HECW2: variants seen among roughly 807,000 people sequenced by gnomAD.
The protein encoded by HECW2 is E3 ubiquitin-protein ligase HECW2.
Under a neutral mutation model 175.2 loss-of-function variants are expected in HECW2, and 61 were observed. The ratio of observed to expected loss-of-function variants is 0.35; its 90% CI spans 0.28 to 0.43. The LOEUF is 0.43. Among genes scored for constraint, HECW2 ranks in the 20% least tolerant of loss-of-function variants. The pLI is 1.00. For missense variants in HECW2, 1,524 were observed against 2,000.5 expected (o/e 0.76, Z 4.54); for synonymous variants, 671 against 731.0 (o/e 0.92, Z 1.32).
intron 26 of HECW2, among the ~76,000 whole-genome samples, chr2:196,218,836 A>G (rs1687569092): frequency 2.0e-5 from 3 of 152,252 alleles, no homozygotes. Flanking sequence ...CCAAAGAGAT[A>G]CATGGATTAT....
chr2:196,301,786 C>T (rs1691069931), intron 13 of HECW2, among the ~76,000 whole-genome samples: 1 of 149,906 alleles, frequency 6.7e-6, no homozygotes, highest in African/African-American at 2.5e-5. Context: ...GACATTAGAC[C>T]TTTGTCACAT....
chr2:196,342,965 A>ATATT (rs1692812592), intron 3 of HECW2, among the ~76,000 whole-genome samples: 1 of 928 alleles, frequency 1.1e-3, no homozygotes, highest in Non-Finnish European at 8.2e-3. Context: ...TATATACCAT[A>ATATT]CATTATGTAT....
At chr2:196,550,369 G>C (rs915891236) in intron 1 of HECW2, among the ~76,000 whole-genome samples, 12 of 151,958 alleles carry the variant, frequency 7.9e-5, no homozygotes, top group Non-Finnish European at 8.8e-5. Context: ...TCACAGTTGG[G>C]AAGTTGTTTT....
intron 14 of HECW2, among the ~76,000 whole-genome samples, chr2:196,287,554 C>CT (rs947696161): frequency 2.6e-5 from 4 of 151,946 alleles, no homozygotes; most frequent in South Asian, 2.1e-4. Flanking sequence ...AAAAAAGAGA[C>CT]TTTTTTTTCT....
At chr2:196,395,715 T>TAAA (rs1553512651) in intron 2 of HECW2, among the ~76,000 whole-genome samples, 7 of 150,058 alleles carry the variant, frequency 4.7e-5, no homozygotes, top group African/African-American at 1.7e-4. Flanking sequence ...TTTTTTTTTT[T>TAAA]AAAAAAAGAA....
chr2:196,404,991 A>ATTT (rs35158305), intron 2 of HECW2, among the ~76,000 whole-genome samples: 2 of 141,568 alleles, frequency 1.4e-5, no homozygotes, highest in Non-Finnish European at 3.1e-5. Context: ...CTCCCGGCAA[A>ATTT]TTTTTTTTTT....
intron 2 of HECW2, among the ~76,000 whole-genome samples, chr2:196,388,756 A>G (rs1258371854): frequency 6.6e-6 from 1 of 152,216 alleles, no homozygotes; most frequent in Non-Finnish European, 1.5e-5. Flanking sequence ...AAACAAGATA[A>G]GAGGCAAATT....
intron 5 of HECW2, among the ~76,000 whole-genome samples, chr2:196,327,952 A>G (rs530859256): frequency 6.6e-5 from 10 of 152,328 alleles, no homozygotes; most frequent in East Asian, 3.9e-4. Context: ...GTCAAAACCA[A>G]TAAGTGTGTG....
rs911577749 is a variant in HECW2, at chr2:196,536,278, A to T, written c.-36+57230T>A. 1.9e-4 allele frequency among the ~76,000 whole-genome samples: 29 copies of T among 152,286 alleles called. No homozygotes were observed. The South Asian group carries it at 5.6e-3, about 29-fold the overall frequency. ...ACCCTCTGGCTTTAAAGAACTTCTG[A>T]GTTCATTAGTTTTCTTGGTACACCT... On this transcript the variant is annotated intron_variant, in intron 1 of 28. Coordinates refer to ENST00000644978, the MANE Select transcript of HECW2 (RefSeq NM_001348768.2).
chr2:196,358,496 A>C (rs1291632606), intron 2 of HECW2, among the ~76,000 whole-genome samples: 1 of 134,644 alleles, frequency 7.4e-6, no homozygotes, highest in Non-Finnish European at 1.5e-5. Flanking sequence ...AATTGCTTGA[A>C]TCTCCCTTGA....
In HECW2 at chr2:196,292,497, G is replaced by A. The variant is rs1171292175; in HGVS notation, c.3000+68C>T. On this transcript the variant is annotated intron_variant, in intron 14 of 28. Transcript: ENST00000644978. Reference sequence around the variant, plus strand: ...CCTTGGCCCTCACTTGAAGGGTAGGGCCAAGTGTCGAAGCCACAAGCAGCC... The same window carrying A: ...CCTTGGCCCTCACTTGAAGGGTAGGACCAAGTGTCGAAGCCACAAGCAGCC... 3 of 1,374,956 alleles carry A rather than the reference G, an allele frequency of 2.2e-6. No individual in the cohort carries two copies. The African/African-American group carries it at 4.3e-5, about 20-fold the overall frequency. 85.2% of individuals were successfully genotyped at this position (1,374,956 alleles called of 1,614,324 possible). A position where few individuals can be genotyped will look rare whatever the true frequency, so the allele number is the denominator to read the frequency against.
intron 26 of HECW2, chr2:196,218,292 A>T (rs527578434): frequency 1.5e-4 from 23 of 152,352 alleles, no homozygotes; most frequent in African/African-American, 5.5e-4. Context: ...GGGTGTGAAC[A>T]TATGGCAGGT....
At chr2:196,278,777 T>C (rs752181824) in intron 14 of HECW2, 115 bp from the exon 15 acceptor site, 22 of 1,184,488 alleles carry the variant, frequency 1.9e-5, no homozygotes, top group Non-Finnish European at 2.5e-5. Flanking sequence ...CTCTATTTTC[T>C]CATAATTTTC....
Position 196,220,926 on chromosome 2 carries a change from A to G in HECW2, c.4162T>C (p.Leu1388=). ...GGGATATTGGCACCCCCTGGCTTTA[A>G]TTCTCGTTCAGTTATCTGAGATTAC... The part of the protein sequence containing the change: ...EVFGQITERE[L]KPGGANIPVT... Residue 1388 remains leucine (L), a synonymous_variant, in exon 25 of 29, where the codon TTA becomes CTA. Coordinates refer to ENST00000644978, the MANE Select transcript of HECW2 (RefSeq NM_001348768.2). 6.2e-7 allele frequency: 1 copy of G among 1,614,024 alleles called. No homozygotes were observed. Among genetic ancestry groups the G allele is most frequent in the Non-Finnish European group, 8.5e-7 (1 of 1,179,948 alleles).
At chr2:196,268,936 A>G (rs1233763668) in intron 17 of HECW2, among the ~76,000 whole-genome samples, 3 of 152,200 alleles carry the variant, frequency 2.0e-5, no homozygotes, top group Non-Finnish European at 2.9e-5. Flanking sequence ...TCTCTAGGGG[A>G]ACGTGGATTA....
At chr2:196,384,565 G>C (rs1694296817) in intron 2 of HECW2, among the ~76,000 whole-genome samples, 1 of 152,104 alleles carries the variant, frequency 6.6e-6, no homozygotes, top group South Asian at 2.1e-4. Flanking sequence ...CTGGGCAACA[G>C]AGCAAGACCC....
At chr2:196,277,144 T>C (rs371677661) in intron 15 of HECW2, among the ~76,000 whole-genome samples, 4 of 152,228 alleles carry the variant, frequency 2.6e-5, no homozygotes, top group South Asian at 4.1e-4. Flanking sequence ...ATTTCTTTTA[T>C]ATATTGAAGC....
intron 2 of HECW2, among the ~76,000 whole-genome samples, chr2:196,364,298 A>G (rs535830821): frequency 6.6e-6 from 1 of 152,364 alleles, no homozygotes; most frequent in Admixed American, 6.5e-5. Flanking sequence ...ATAAGACACT[A>G]TCATAATGGA....
At chr2:196,212,445 T>A (rs933603126) in intron 28 of HECW2, among the ~76,000 whole-genome samples, 3 of 152,162 alleles carry the variant, frequency 2.0e-5, no homozygotes, top group Non-Finnish European at 4.4e-5. Flanking sequence ...GAAGATGTAG[T>A]ATTTGGTTTT....
Sources: gnomAD v4.1 joint callset for allele counts (sites outside exome capture counted in the v4.1 genomes callset) on GRCh38, gnomAD v4.1.1 for gene constraint, MANE v1.5 for transcripts, NCBI Gene and HGNC (gene_info 2026-07-23, HGNC 2026-07-21) for gene names.